Variants in EIF3K observed in about 807,000 individuals in gnomAD.
The protein encoded by EIF3K is eukaryotic translation initiation factor 3 subunit K, also known as eIF-3 p28.
EIF3K carries 27 observed loss-of-function variants against 34.2 expected under a neutral mutation model. That is an observed-to-expected ratio of 0.79 (90% CI 0.58 to 1.09). The LOEUF is 1.09. Among genes scored for constraint, EIF3K ranks in the 50% least tolerant of loss-of-function variants. The probability of loss-of-function intolerance (pLI) is 0.00; values close to 1 mark genes in which losing one functional copy is unlikely to be tolerated. For missense variants in EIF3K, 232 were observed against 275.4 expected (o/e 0.84, Z 1.11); for synonymous variants, 105 against 105.7 (o/e 0.99, Z 0.04).
Position 38,624,219 on chromosome 19 carries a change from C to T in EIF3K, c.279+22C>T, listed in dbSNP as rs376343503. On this transcript the variant is annotated intron_variant, in intron 3 of 7. Transcript: ENST00000248342. ...ACATGTATCCTTCCAGCACTGGGGC[C>T]GGGGGGTGTGTGGGAAGGGGTCAGA... 7.5e-5 allele frequency: 121 copies of T among 1,613,508 alleles called. No individual in the cohort carries two copies. The South Asian group carries it at 1.1e-3, about 15-fold the overall frequency.
intron 4 of EIF3K, among the ~76,000 whole-genome samples, chr19:38,628,886 G>T (rs975280567): frequency 6.6e-6 from 1 of 151,436 alleles, no homozygotes; most frequent in South Asian, 2.1e-4. Context: ...CTACGGTCTT[G>T]CTTCCTTCCC....
intron 4 of EIF3K, among the ~76,000 whole-genome samples, chr19:38,626,757 G>A (rs1975959551): frequency 6.6e-6 from 1 of 152,052 alleles, no homozygotes; most frequent in South Asian, 2.1e-4. Context: ...TCACCTCCTG[G>A]CTCCTATCTC....
At chr19:38,625,371 GGCCAGGCT>G (rs1201802373) in intron 3 of EIF3K, among the ~76,000 whole-genome samples, 1 of 151,908 alleles carries the variant, frequency 6.6e-6, no homozygotes, top group Non-Finnish European at 1.5e-5. Flanking sequence ...TTGCTATGTT[GGCCAGGCT>G]GCTCTCGAAC....
intron 4 of EIF3K, among the ~76,000 whole-genome samples, chr19:38,629,705 G>T (rs1055143168): frequency 6.6e-6 from 1 of 152,170 alleles, no homozygotes; most frequent in Non-Finnish European, 1.5e-5. Flanking sequence ...CCTTTGAGCA[G>T]AAATCTGAAG....
rs749037064 is a variant in EIF3K at position 38,619,300 on chromosome 19, T to G, written c.32T>G (p.Val11Gly). 84 of 1,613,946 alleles carry G rather than the reference T, an allele frequency of 5.2e-5. 2 individuals are homozygous for G. In the South Asian group the frequency reaches 6.9e-4, roughly 13 times the overall value. The change falls in exon 1 of 8, where the codon GTG becomes GGG. Residue 11 changes from valine (V) to glycine (G), a missense_variant. Physicochemically the swap from Val to Gly is moderately radical, Grantham distance 109. Coordinates refer to ENST00000248342, the MANE Select transcript of EIF3K (RefSeq NM_013234.4). ...ATGTTTGAGCAGATGAGAGCCAACG[T>G]GGGCAAGTTGCTCAAGGGTATCGAC... MAMFEQMRAN[V>G]GKLLKGIDRY...
At chr19:38,635,310 T>C in intron 7 of EIF3K, 192 bp downstream of exon 7, 2 of 761,842 alleles carry the variant, frequency 2.6e-6, no homozygotes, top group East Asian at 2.7e-5. Flanking sequence ...TGGGTGATCT[T>C]CCCTGGAACT....
chr19:38,630,470 G>A (rs780206175), intron 4 of EIF3K, among the ~76,000 whole-genome samples: 62 of 150,550 alleles, frequency 4.1e-4, no homozygotes, highest in Admixed American at 6.7e-4. Context: ...TCAGCATCCC[G>A]AGTAGCTGGG....
At chr19:38,622,937 A>G (rs1245783272) in intron 2 of EIF3K, among the ~76,000 whole-genome samples, 1 of 152,220 alleles carries the variant, frequency 6.6e-6, no homozygotes, top group Non-Finnish European at 1.5e-5. Context: ...TTCCCGGAAC[A>G]ATTGCTGTTA....
intron 7 of EIF3K, among the ~76,000 whole-genome samples, chr19:38,636,029 G>A (rs2144786388): frequency 6.6e-6 from 1 of 152,356 alleles, no homozygotes; most frequent in East Asian, 1.9e-4. Flanking sequence ...GCATTGAGCA[G>A]GCAGCCATCT....
In EIF3K at chr19:38,626,039, G is replaced by GCCAAT. The variant is rs1406590227; in HGVS notation, c.294_298dup (p.Arg100GlnfsTer34). 6.2e-7 allele frequency: 1 copy of GCCAAT among 1,614,170 alleles called. No homozygotes were observed. Among genetic ancestry groups the GCCAAT allele is most frequent in the African/African-American group, 1.3e-5 (1 of 75,048 alleles). On this transcript the variant is annotated frameshift_variant, in exon 4 of 8. Transcript: ENST00000248342. LOFTEE classifies it high-confidence loss of function. ...CTTCCTCCTCCCAGCAAGAAGAACG[G>GCCAAT]CCAATCCGACAGATTTTGTACCTCG...
Position 38,636,881 on chromosome 19 carries a change from C to A in EIF3K, c.626-8C>A. 6.2e-7 allele frequency: 1 copy of A among 1,614,150 alleles called. No homozygotes were observed. Among genetic ancestry groups the A allele is most frequent in the Middle Eastern group, 1.6e-4 (1 of 6,062 alleles). On this transcript the variant is annotated splice_polypyrimidine_tract_variant and splice_region_variant and intron_variant, in intron 7 of 7. Transcript: ENST00000248342. ...CTCACCTTCAGTCTGGTCTCTCCTT[C>A]CCCACAGGTGTGTCCAGCATCATGG...
At chr19:38,636,749 C>A in intron 7 of EIF3K, 140 bp from the exon 8 acceptor site, 1 of 971,514 alleles carries the variant, frequency 1.0e-6, no homozygotes. Context: ...AAATACTGCA[C>A]CAAACTGCCT....
At chr19:38,632,721 G>A in intron 6 of EIF3K, 43 bp downstream of exon 6, 1 of 1,565,678 alleles carries the variant, frequency 6.4e-7, no homozygotes. Flanking sequence ...GAGGTTGGGG[G>A]TGGCTAGGGC....
rs933977138 is a variant in EIF3K at position 38,622,736 on chromosome 19, A to G, written c.159-1341A>G. 2.0e-5 allele frequency among the ~76,000 whole-genome samples: 3 copies of G among 152,346 alleles called. No individual in the cohort carries two copies. In the East Asian group the frequency reaches 5.8e-4, roughly 29 times the overall value. On this transcript the variant is annotated intron_variant, in intron 2 of 7. Transcript: ENST00000248342. ...TTATTTCACCTCTGCAATCTCGACT[A>G]TAAGAGACAGGTACGCCCCGGGGGG...
chr19:38,636,055 G>A (rs1036566365), intron 7 of EIF3K, among the ~76,000 whole-genome samples: 8 of 152,372 alleles, frequency 5.3e-5, no homozygotes, highest in Non-Finnish European at 1.2e-4. Context: ...CTTGCAGCCC[G>A]TGGTATCTCA....
At chr19:38,624,287 T>TACAC in intron 3 of EIF3K, 90 bp downstream of exon 3, 1 of 1,568,400 alleles carries the variant, frequency 6.4e-7, no homozygotes, top group Non-Finnish European at 8.7e-7. Flanking sequence ...TGTGGGTGTA[T>TACAC]CCACAAACAA....
At chr19:38,632,275 T>A (rs1351538061) in intron 4 of EIF3K, 155 bp from the exon 5 acceptor site, 9 of 673,876 alleles carry the variant, frequency 1.3e-5, no homozygotes, top group Non-Finnish European at 2.3e-5. Context: ...AACAAAATCT[T>A]AGCACTTTGG....
chr19:38,620,003 G>C (rs1975805629), intron 1 of EIF3K, among the ~76,000 whole-genome samples: 1 of 152,184 alleles, frequency 6.6e-6, no homozygotes, highest in Non-Finnish European at 1.5e-5. Context: ...CAGGGTGGAG[G>C]CCTGAACAGG....
intron 4 of EIF3K, among the ~76,000 whole-genome samples, chr19:38,626,561 G>A (rs1975955174): frequency 6.6e-6 from 1 of 152,188 alleles, no homozygotes; most frequent in Admixed American, 6.5e-5. Flanking sequence ...TAAGGTGGGA[G>A]GATCGCTTGA....
Sources: gnomAD v4.1 joint callset for allele counts (sites outside exome capture counted in the v4.1 genomes callset) on GRCh38, gnomAD v4.1.1 for gene constraint, MANE v1.5 for transcripts, NCBI Gene and HGNC (gene_info 2026-07-23, HGNC 2026-07-21) for gene names.